Variants in CDKN2B-AS1 observed in about 807,000 individuals in gnomAD.
CDKN2B-AS1 encodes the protein CDKN2B and CDKN2A antisense cis and trans regulatory RNA 1.
At chr9:22,102,984 G>C (rs971745552) in intron 4 of CDKN2B-AS1, among the ~76,000 whole-genome samples, 1 of 152,278 alleles carries the variant, frequency 6.6e-6, no homozygotes, top group South Asian at 2.1e-4. Context: ...TGAGGCTTCA[G>C]TTGGGCCAGT....
At chr9:22,117,280 A>T (rs1825974636) in intron 4 of CDKN2B-AS1, among the ~76,000 whole-genome samples, 1 of 152,228 alleles carries the variant, frequency 6.6e-6, no homozygotes. Context: ...AAAATCAATA[A>T]GGAAGCTTAA....
At chr9:22,029,397 T>A (rs1396785182) in intron 1 of CDKN2B-AS1, 2 of 778,994 alleles carry the variant, frequency 2.6e-6, no homozygotes, top group African/African-American at 3.4e-5. Flanking sequence ...CATAGAGACT[T>A]GTCTGACAAA....
At chr9:22,016,050 G>A (rs1010586378) in intron 1 of CDKN2B-AS1, among the ~76,000 whole-genome samples, 1 of 152,144 alleles carries the variant, frequency 6.6e-6, no homozygotes, top group Non-Finnish European at 1.5e-5. Flanking sequence ...TAGGTTGCCT[G>A]TTCACTCTGA....
At chr9:22,108,461 G>A (rs1825716465) in intron 4 of CDKN2B-AS1, among the ~76,000 whole-genome samples, 1 of 152,158 alleles carries the variant, frequency 6.6e-6, no homozygotes, top group African/African-American at 2.4e-5. Flanking sequence ...TTACGACTCT[G>A]CCTTCAGCTG....
Position 22,033,993 on chromosome 9 carries a change from C to T in CDKN2B-AS1, n.30-12758C>T, listed in dbSNP as rs148990392. Among the ~76,000 whole-genome samples, 780 of 152,272 alleles carry T rather than the reference C, an allele frequency of 5.1e-3. 9 individuals carry two copies. The highest frequency in any genetic ancestry group is 0.018 in the African/African-American group (761 of 41,564). Reference sequence around the variant, plus strand: ...ACAGCAGGGTTTGAACCCAAGTATGCTTGATTCCCCAAACCATGCTTTTTA... The same window carrying T: ...ACAGCAGGGTTTGAACCCAAGTATGTTTGATTCCCCAAACCATGCTTTTTA... On this transcript the variant is annotated intron_variant and non_coding_transcript_variant, in intron 1 of 4. Coordinates refer to ENST00000650946, the Ensembl canonical transcript of CDKN2B-AS1.
rs1820862265 is a variant in CDKN2B-AS1, at chr9:22,000,225, T to C, written n.29+5064T>C. Among the ~76,000 whole-genome samples the C allele has an allele frequency of 6.6e-6, 1 of 152,092 alleles. No individual in the cohort carries two copies. Among genetic ancestry groups the C allele is most frequent in the Admixed American group, 6.6e-5 (1 of 15,266 alleles). On this transcript the variant is annotated intron_variant and non_coding_transcript_variant, in intron 1 of 4. Coordinates refer to ENST00000650946, the Ensembl canonical transcript of CDKN2B-AS1. This position sits in a 1 kb window ranked among gnomAD's most constrained non-coding sequence, Gnocchi z 4.1. Reference sequence around the variant, plus strand: ...AGGATTGAGAAACAATTTTCTGAAATGGAAGGGGTTTTAAACTTGTTGTCC... The same window carrying C: ...AGGATTGAGAAACAATTTTCTGAAACGGAAGGGGTTTTAAACTTGTTGTCC...
intron 4 of CDKN2B-AS1, among the ~76,000 whole-genome samples, chr9:22,076,797 A>G (rs975754079): frequency 6.6e-6 from 1 of 152,160 alleles, no homozygotes; most frequent in East Asian, 1.9e-4. Flanking sequence ...GGCTCAAGCA[A>G]TCCTCTCACC....
In CDKN2B-AS1 at chr9:22,006,252, C is replaced by T. The variant is rs768407545; in HGVS notation, n.29+11091C>T. On this transcript the variant is annotated intron_variant and non_coding_transcript_variant, in intron 1 of 4. Coordinates refer to ENST00000650946, the Ensembl canonical transcript of CDKN2B-AS1. This position sits in a 1 kb window ranked among gnomAD's most constrained non-coding sequence, Gnocchi z 6.4. Reference sequence around the variant, plus strand: ...GGCGCTGCCCATCATCATGACCTGCCAGAGAGAGCAGAGTGGTCAGAGCCA... The same window carrying T: ...GGCGCTGCCCATCATCATGACCTGCTAGAGAGAGCAGAGTGGTCAGAGCCA... 1.9e-6 allele frequency: 3 copies of T among 1,603,402 alleles called. No individual in the cohort carries two copies. The highest frequency in any genetic ancestry group is 1.3e-5 in the African/African-American group (1 of 75,062).
At chr9:22,087,126 T>C (rs1469527243) in intron 4 of CDKN2B-AS1, among the ~76,000 whole-genome samples, 2 of 152,220 alleles carry the variant, frequency 1.3e-5, no homozygotes, top group African/African-American at 4.8e-5. Flanking sequence ...CCCTTTTTCT[T>C]GGAAATGTTT....
At chr9:22,061,942 C>T (rs1372049250) in intron 4 of CDKN2B-AS1, 1 of 152,138 alleles carries the variant, frequency 6.6e-6, no homozygotes, top group Non-Finnish European at 1.5e-5. Flanking sequence ...TTTTTATCCT[C>T]ATATTATCAG....
intron 1 of CDKN2B-AS1, among the ~76,000 whole-genome samples, chr9:22,021,738 G>C (rs567453): frequency 0.49 from 74,775 of 151,896 alleles, 19,294 homozygotes; most frequent in African/African-American, 0.63. Context: ...CACCTGCAAA[G>C]AAAGATAGTT....
At chr9:22,009,453 A>G in intron 1 of CDKN2B-AS1, 1 of 290,004 alleles carries the variant, frequency 3.4e-6, no homozygotes. Flanking sequence ...AGCCTGCCCA[A>G]AGATGCTAGG....
chr9:22,087,457 GC>G (rs1328292722), intron 4 of CDKN2B-AS1, among the ~76,000 whole-genome samples: 1 of 152,154 alleles, frequency 6.6e-6, no homozygotes, highest in Non-Finnish European at 1.5e-5. Context: ...TTTTAAAGAT[GC>G]TTTTAGTTGT....
At chr9:22,043,072 G>T (rs1178102510) in intron 1 of CDKN2B-AS1, among the ~76,000 whole-genome samples, 1 of 152,016 alleles carries the variant, frequency 6.6e-6, no homozygotes, top group Non-Finnish European at 1.5e-5. Flanking sequence ...ATTTTAAGGA[G>T]CTATCAGGTC....
intron 4 of CDKN2B-AS1, among the ~76,000 whole-genome samples, chr9:22,083,470 G>C (rs879607672): frequency 6.6e-6 from 1 of 152,184 alleles, no homozygotes; most frequent in Admixed American, 6.5e-5. Flanking sequence ...TACAACAGTG[G>C]CTCCCAAATC....
Position 22,012,453 on chromosome 9 carries a change from A to G in CDKN2B-AS1, n.29+17292A>G, listed in dbSNP as rs577530976. ...AACAAGATGATCTGCCATAAGCGCT[A>G]TGCTCTCCTGCACCCCTATGCTGTC... On this transcript the variant is annotated intron_variant and non_coding_transcript_variant, in intron 1 of 4. Coordinates refer to ENST00000650946, the Ensembl canonical transcript of CDKN2B-AS1. 53 of 710,654 alleles carry G rather than the reference A, an allele frequency of 7.5e-5. 1 individual carries two copies. In the Admixed American group the frequency reaches 9.2e-4, roughly 12 times the overall value. The allele number at this position is 710,654 out of a possible 1,614,324, so 44.0% of individuals were successfully genotyped here.
chr9:22,074,240 C>T (rs1824409039), intron 4 of CDKN2B-AS1, among the ~76,000 whole-genome samples: 1 of 152,146 alleles, frequency 6.6e-6, no homozygotes, highest in Non-Finnish European at 1.5e-5. Flanking sequence ...TGCTTCTTTT[C>T]AAATGCATGG....
At chr9:22,120,416 T>A (rs1401096348) in intron 4 of CDKN2B-AS1, 1 of 152,236 alleles carries the variant, frequency 6.6e-6, no homozygotes, top group African/African-American at 2.4e-5. Flanking sequence ...CATAAGTAAG[T>A]GCTTTGTAAA....
intron 1 of CDKN2B-AS1, chr9:22,008,697 TAC>T: frequency 6.2e-7 from 1 of 1,611,166 alleles, no homozygotes; most frequent in Non-Finnish European, 8.5e-7. Context: ...GAGACTCCTG[TAC>T]AAATCTACAT....
Sources: gnomAD v4.1 joint callset for allele counts (sites outside exome capture counted in the v4.1 genomes callset) on GRCh38, gnomAD v4.1.1 for gene constraint, Gnocchi (gnomAD v3.1) non-coding constraint, MANE v1.5 for transcripts, NCBI Gene and HGNC (gene_info 2026-07-23, HGNC 2026-07-21) for gene names.